Variants in CSMD1 observed in about 807,000 individuals in gnomAD.
The protein encoded by CSMD1 is CUB and Sushi multiple domains 1.
CSMD1 carries 213 observed loss-of-function variants against 417.5 expected under a neutral mutation model. That is an observed-to-expected ratio of 0.51 (90% CI 0.46 to 0.57). CSMD1 has a LOEUF of 0.57. Among genes scored for constraint, CSMD1 ranks in the 20% least tolerant of loss-of-function variants. The probability of loss-of-function intolerance (pLI) is 0.00; values close to 1 mark genes in which losing one functional copy is unlikely to be tolerated. For synonymous variants in CSMD1, 2,862 were observed against 1,736.8 expected, an observed-to-expected ratio of 1.65 and a Z score of -16.11; for missense variants, 6,923 against 4,529.7, an observed-to-expected ratio of 1.53 and a Z score of -15.17.
At chr8:4,684,661 A>G (rs191313823) in intron 1 of CSMD1, among the ~76,000 whole-genome samples, 1 of 152,340 alleles carries the variant, frequency 6.6e-6, no homozygotes, top group Non-Finnish European at 1.5e-5. Flanking sequence ...AAGGCAATTA[A>G]GTGAAATAAT....
chr8:3,933,358 C>T (rs1051480963), intron 5 of CSMD1, among the ~76,000 whole-genome samples: 8 of 152,192 alleles, frequency 5.3e-5, no homozygotes, highest in East Asian at 1.9e-4. Flanking sequence ...CTGTTTTTGG[C>T]GACATTTCAG....
At chr8:4,164,689 T>C (rs549811711) in intron 3 of CSMD1, among the ~76,000 whole-genome samples, 1 of 152,180 alleles carries the variant, frequency 6.6e-6, no homozygotes, top group South Asian at 2.1e-4. Flanking sequence ...GATTTTAAAA[T>C]ATGTTGCTGA....
At chr8:4,421,238 G>C (rs1797234058) in intron 2 of CSMD1, among the ~76,000 whole-genome samples, 1 of 152,100 alleles carries the variant, frequency 6.6e-6, no homozygotes, top group African/African-American at 2.4e-5. Flanking sequence ...GTTGCTTTAA[G>C]AAAGGAAAAA....
chr8:4,184,353 C>T (rs938587233), intron 3 of CSMD1, among the ~76,000 whole-genome samples: 6 of 152,152 alleles, frequency 3.9e-5, no homozygotes, highest in African/African-American at 1.2e-4. Context: ...GTCATCAACA[C>T]TGGAACTGTG....
chr8:4,840,481 G>A (rs553337575), intron 1 of CSMD1, among the ~76,000 whole-genome samples: 16 of 152,286 alleles, frequency 1.1e-4, no homozygotes, highest in African/African-American at 3.8e-4. Context: ...TAGGTCTTTT[G>A]TTTTATTCGA....
rs1254321008 is a variant in CSMD1, at chr8:3,725,758, G to C, written c.932-17267C>G. ...CTGCTGTGTTGTTAGTGAGGGCAGA[G>C]TGGAAGGACTTGGGAACACGTGAAA... On this transcript the variant is annotated intron_variant, in intron 6 of 69. Coordinates refer to ENST00000635120, the MANE Select transcript of CSMD1 (RefSeq NM_033225.6). Among the ~76,000 whole-genome samples, 5 of 152,260 alleles carry C rather than the reference G, an allele frequency of 3.3e-5. No individual in the cohort carries two copies. The South Asian group carries it at 6.2e-4, about 19-fold the overall frequency.
intron 3 of CSMD1, among the ~76,000 whole-genome samples, chr8:4,388,498 G>C (rs1039814134): frequency 6.6e-6 from 1 of 150,988 alleles, no homozygotes; most frequent in African/African-American, 2.4e-5. Flanking sequence ...TGGGAGGTAA[G>C]TTGTGAGCAT....
At chr8:3,990,133 T>C (rs923424518) in intron 5 of CSMD1, among the ~76,000 whole-genome samples, 1 of 152,210 alleles carries the variant, frequency 6.6e-6, no homozygotes, top group Non-Finnish European at 1.5e-5. Flanking sequence ...TTAACAGCGT[T>C]AATTTAGTTT....
At chr8:3,806,873 A>G (rs184863962) in intron 5 of CSMD1, among the ~76,000 whole-genome samples, 2 of 152,320 alleles carry the variant, frequency 1.3e-5, no homozygotes, top group Admixed American at 1.3e-4. Context: ...GTAACCAATT[A>G]ACAGTAGTTA....
chr8:3,954,135 G>A lies in CSMD1; in HGVS notation c.818+43768C>T, dbSNP rs141575878. ...GTGGGAGAGATCCCAGTTTCCCGAG[G>A]GGAATCACATATGGGTCTGTAGAAA... On this transcript the variant is annotated intron_variant, in intron 5 of 69. Transcript: ENST00000635120. Among the ~76,000 whole-genome samples the A allele has an allele frequency of 5.4e-3, 823 of 152,278 alleles. 8 individuals carry two copies. The highest frequency in any genetic ancestry group is 0.019 in the African/African-American group (796 of 41,576).
chr8:4,212,748 ATTCTTTTTTTTT>A (rs1463413117), intron 3 of CSMD1, among the ~76,000 whole-genome samples: 44 of 101,892 alleles, frequency 4.3e-4, no homozygotes, highest in East Asian at 2.3e-3. Context: ...CAGCGGCCTT[ATTCTTTTTTTTT>A]TTTTTTTTTT....
At chr8:4,494,426 T>C (rs1283484780) in intron 2 of CSMD1, among the ~76,000 whole-genome samples, 1 of 152,230 alleles carries the variant, frequency 6.6e-6, no homozygotes, top group Non-Finnish European at 1.5e-5. Context: ...TTCCCTACAA[T>C]TAGTTTATCG....
intron 1 of CSMD1, among the ~76,000 whole-genome samples, chr8:4,970,109 T>A (rs1042924187): frequency 6.6e-6 from 1 of 151,836 alleles, no homozygotes; most frequent in Non-Finnish European, 1.5e-5. Flanking sequence ...TATAAAGTAA[T>A]TGTATGTAAA....
At position 3,953,608 on chromosome 8, in the gene CSMD1, A is replaced by G. The variant is rs1811729738; in HGVS notation, c.818+44295T>C. On this transcript the variant is annotated intron_variant, in intron 5 of 69. Transcript: ENST00000635120. Reference sequence around the variant, plus strand: ...TTAAAGTGGGTCACTGCGCCCAAGCATACGCATTTCAAGGTTTCTATGTTA... The same window carrying G: ...TTAAAGTGGGTCACTGCGCCCAAGCGTACGCATTTCAAGGTTTCTATGTTA... Among the ~76,000 whole-genome samples the G allele has an allele frequency of 3.3e-5, 5 of 152,166 alleles. No homozygotes were observed. The South Asian group carries it at 1.0e-3, about 32-fold the overall frequency.
At chr8:3,971,807 C>G (rs1484077352) in intron 5 of CSMD1, among the ~76,000 whole-genome samples, 1 of 152,146 alleles carries the variant, frequency 6.6e-6, no homozygotes, top group African/African-American at 2.4e-5. Context: ...TATTAACTTA[C>G]TTTCTCTGTC....
intron 43 of CSMD1, among the ~76,000 whole-genome samples, chr8:3,109,884 C>T (rs1337478446): frequency 6.6e-6 from 1 of 151,448 alleles, no homozygotes; most frequent in Non-Finnish European, 1.5e-5. Context: ...ACACCCATAC[C>T]CAACCCAACC....
chr8:3,847,151 G>C (rs977666781), intron 5 of CSMD1, among the ~76,000 whole-genome samples: 1 of 152,064 alleles, frequency 6.6e-6, no homozygotes, highest in Non-Finnish European at 1.5e-5. Context: ...CCTGTGACTG[G>C]CTTTTAACCA....
At chr8:3,089,497 T>C (rs1014265711) in intron 48 of CSMD1, among the ~76,000 whole-genome samples, 1 of 152,212 alleles carries the variant, frequency 6.6e-6, no homozygotes, top group African/African-American at 2.4e-5. Flanking sequence ...TATGCCTGAA[T>C]GATCAAGAGT....
intron 7 of CSMD1, among the ~76,000 whole-genome samples, chr8:3,686,517 T>C (rs1297194371): frequency 2.6e-5 from 4 of 152,178 alleles, no homozygotes; most frequent in Non-Finnish European, 4.4e-5. Flanking sequence ...TACAAGATCA[T>C]GTCATTCTGT....
Sources: gnomAD v4.1 joint callset for allele counts (sites outside exome capture counted in the v4.1 genomes callset) on GRCh38, gnomAD v4.1.1 for gene constraint, MANE v1.5 for transcripts, NCBI Gene and HGNC (gene_info 2026-07-23, HGNC 2026-07-21) for gene names.